The following TM9SF2 variants were observed in gnomAD, a reference collection of about 807,000 sequenced individuals.
TM9SF2 encodes the protein transmembrane 9 superfamily member 2.
A neutral mutation model predicts 84.9 loss-of-function variants in TM9SF2; 13 were observed. The observed-to-expected ratio is 0.15, with a 90% CI of 0.10 to 0.24. TM9SF2 has a LOEUF of 0.24. Among genes scored for constraint, TM9SF2 ranks in the 10% least tolerant of loss-of-function variants. The pLI is 1.00. For synonymous variants in TM9SF2, 273 were observed against 285.8 expected (o/e 0.96, Z 0.45); for missense variants, 562 against 818.5 (o/e 0.69, Z 3.82).
rs762104653 is a variant in TM9SF2, at chr13:99,543,982, C to T, written c.1137C>T (p.Thr379=). The change falls in exon 10 of 17, where the codon ACC becomes ACT. Residue 379 remains threonine, a synonymous_variant. Transcript: ENST00000376387. ...CCGGGACACAGATTTTAATTATGAC[C>T]TTTGTGACTCTATGTAAGTGTTAAC... is the stretch of plus-strand genomic sequence containing the variant. The part of the protein sequence containing the change: ...LGSGTQILIM[T]FVTLFFACLG... 1 of 1,613,690 alleles carries T rather than the reference C, an allele frequency of 6.2e-7. No individual in the cohort carries two copies. Among genetic ancestry groups the T allele is most frequent in the Non-Finnish European group, 8.5e-7 (1 of 1,179,892 alleles).
chr13:99,501,720 G>T lies in TM9SF2; in HGVS notation c.114G>T (p.Leu38=), dbSNP rs756622886. The change falls in exon 1 of 17, where the codon CTG becomes CTT. Residue 38 remains leucine (L), a synonymous_variant. Transcript: ENST00000376387. Reference sequence around the variant, plus strand: ...CGCGCCGGAGCGGCGCTTTCTACCTGCCCGGCCTGGCGCCCGTCAACTTCT... The same window carrying T: ...CGCGCCGGAGCGGCGCTTTCTACCTTCCCGGCCTGGCGCCCGTCAACTTCT... ...PGPRRSGAFY[L]PGLAPVNFCD... 3.7e-6 allele frequency: 6 copies of T among 1,612,118 alleles called. No individual in the cohort carries two copies. The highest frequency in any genetic ancestry group is 2.2e-5 in the East Asian group (1 of 44,772).
rs2046354142 is a variant in TM9SF2, at chr13:99,563,866, G to A, written c.*1108G>A. The A allele has an allele frequency of 6.6e-6, 1 of 152,118 alleles. No homozygotes were observed. Among genetic ancestry groups the A allele is most frequent in the Non-Finnish European group, 1.5e-5 (1 of 68,032 alleles). The allele number at this position is 152,118 out of a possible 1,614,324, so 9.4% of individuals were successfully genotyped here. A position where few individuals can be genotyped will look rare whatever the true frequency, so the allele number is the denominator to read the frequency against. ...ATCTGACTAATTGAAATCCATTTAT[G>A]TAGAATATAGGAATGGGGGGTGATT... On this transcript the variant is annotated 3_prime_UTR_variant, in exon 17 of 17. Transcript: ENST00000376387.
At chr13:99,519,995 G>T (rs757338764) in intron 2 of TM9SF2, 41 bp from the exon 3 acceptor site, 3 of 1,578,442 alleles carry the variant, frequency 1.9e-6, no homozygotes, top group African/African-American at 1.4e-5. Flanking sequence ...ATATTTCATC[G>T]TTCCCTTTTA....
intron 1 of TM9SF2, among the ~76,000 whole-genome samples, chr13:99,511,655 G>A (rs2046114192): frequency 6.6e-6 from 1 of 152,176 alleles, no homozygotes; most frequent in African/African-American, 2.4e-5. Flanking sequence ...TTTAGAAAAG[G>A]AAGAATAAAA....
At chr13:99,503,561 T>C (rs1056685339) in intron 1 of TM9SF2, among the ~76,000 whole-genome samples, 1 of 151,906 alleles carries the variant, frequency 6.6e-6, no homozygotes, top group Non-Finnish European at 1.5e-5. Context: ...ATACAAAAAT[T>C]AGCTGGGCGT....
chr13:99,541,470 T>C, intron 8 of TM9SF2, 89 bp from the exon 9 acceptor site: 2 of 895,294 alleles, frequency 2.2e-6, no homozygotes, highest in Non-Finnish European at 3.5e-6. Flanking sequence ...CAAGACTGTT[T>C]TAATGTTACT....
chr13:99,553,755 G>A (rs141079007), intron 13 of TM9SF2, among the ~76,000 whole-genome samples: 118 of 152,184 alleles, frequency 7.8e-4, no homozygotes, highest in African/African-American at 2.6e-3. Context: ...TTTTTATACC[G>A]CCATGTAGTG....
At position 99,502,200 on chromosome 13, in the gene TM9SF2, AC is replaced by A. The variant is rs150394123; in HGVS notation, c.171+424del. ...GTGACCGACTCCCTACATGTGAGCAACACTCAGCCTAGTTAACAGTTTCCAT... is the reference window on the plus strand; with the variant it reads ...GTGACCGACTCCCTACATGTGAGCAAACTCAGCCTAGTTAACAGTTTCCAT... On this transcript the variant is annotated intron_variant, in intron 1 of 16. Transcript: ENST00000376387. Among the ~76,000 whole-genome samples the A allele has an allele frequency of 5.2e-3, 785 of 152,342 alleles. 5 individuals are homozygous for A. The highest frequency in any genetic ancestry group is 0.018 in the African/African-American group (759 of 41,564).
At chr13:99,518,480 T>C (rs1371615369) in intron 2 of TM9SF2, among the ~76,000 whole-genome samples, 1 of 152,256 alleles carries the variant, frequency 6.6e-6, no homozygotes, top group East Asian at 1.9e-4. Context: ...TCCATGTCAA[T>C]ACATAGCTAC....
chr13:99,520,238 T>C, intron 3 of TM9SF2, 109 bp downstream of exon 3: 2 of 857,322 alleles, frequency 2.3e-6, no homozygotes, highest in Non-Finnish European at 3.6e-6. Context: ...AGTTCATTTC[T>C]CTTTTTCATC....
intron 10 of TM9SF2, among the ~76,000 whole-genome samples, chr13:99,544,302 C>T (rs2046273436): frequency 6.7e-6 from 1 of 149,558 alleles, no homozygotes. Flanking sequence ...GAGATTGCGC[C>T]ACTGCACTCC....
chr13:99,514,050 G>A (rs1232891664), intron 1 of TM9SF2, among the ~76,000 whole-genome samples: 1 of 152,200 alleles, frequency 6.6e-6, no homozygotes, highest in African/African-American at 2.4e-5. Flanking sequence ...AAGAAACACT[G>A]TATACAGTCA....
intron 1 of TM9SF2, among the ~76,000 whole-genome samples, chr13:99,508,615 A>ATGG (rs1384973615): frequency 6.6e-6 from 1 of 152,174 alleles, no homozygotes; most frequent in Non-Finnish European, 1.5e-5. Context: ...CTGTACAAGC[A>ATGG]TGGCACGGAC....
intron 2 of TM9SF2, among the ~76,000 whole-genome samples, chr13:99,519,018 C>G (rs2046147348): frequency 6.6e-6 from 1 of 151,996 alleles, no homozygotes; most frequent in Admixed American, 6.6e-5. Context: ...AGTTTAATTT[C>G]TCAGCTGTTT....
chr13:99,547,495 T>C (rs1438259348), intron 11 of TM9SF2, among the ~76,000 whole-genome samples: 1 of 152,196 alleles, frequency 6.6e-6, no homozygotes, highest in Non-Finnish European at 1.5e-5. Flanking sequence ...TACATCTAGG[T>C]GTACCTTTTC....
chr13:99,556,807 C>T (rs1024568002), intron 15 of TM9SF2, among the ~76,000 whole-genome samples: 1 of 152,074 alleles, frequency 6.6e-6, no homozygotes, highest in African/African-American at 2.4e-5. Flanking sequence ...AGGATGGTCT[C>T]GATCTCCTGA....
At chr13:99,518,403 A>G (rs1014037318) in intron 2 of TM9SF2, among the ~76,000 whole-genome samples, 27 of 152,098 alleles carry the variant, frequency 1.8e-4, no homozygotes, top group Non-Finnish European at 3.7e-4. Flanking sequence ...GAGCCACTGC[A>G]CCTGGCCCAT....
intron 1 of TM9SF2, among the ~76,000 whole-genome samples, chr13:99,510,787 A>G (rs1392786584): frequency 6.6e-6 from 1 of 152,248 alleles, no homozygotes; most frequent in African/African-American, 2.4e-5. Context: ...CATATATTCA[A>G]ACACATGCGT....
At chr13:99,552,128 T>A in intron 12 of TM9SF2, 39 bp from the exon 13 acceptor site, 3 of 1,591,488 alleles carry the variant, frequency 1.9e-6, no homozygotes, top group Non-Finnish European at 2.6e-6. Flanking sequence ...TGCATTTTGT[T>A]ATCTCTGGTT....
Sources: gnomAD v4.1 joint callset for allele counts (sites outside exome capture counted in the v4.1 genomes callset) on GRCh38, gnomAD v4.1.1 for gene constraint, MANE v1.5 for transcripts, NCBI Gene and HGNC (gene_info 2026-07-23, HGNC 2026-07-21) for gene names.